The following SLC46A2 variants were observed in gnomAD, a reference collection of about 807,000 sequenced individuals.
The protein encoded by SLC46A2 is thymic stromal co-transporter.
A neutral mutation model predicts 33.1 loss-of-function variants in SLC46A2; 25 were observed. The observed-to-expected ratio is 0.76, with a 90% CI of 0.55 to 1.06. The LOEUF (loss-of-function observed/expected upper bound fraction) is 1.06, where lower values mean the gene tolerates loss of function less well. Ranked by LOEUF, SLC46A2 falls within the 50% of genes least tolerant of loss-of-function variation. The probability of loss-of-function intolerance (pLI) is 0.00; values close to 1 mark genes in which losing one functional copy is unlikely to be tolerated. For synonymous variants in SLC46A2, 254 were observed against 275.9 expected, an observed-to-expected ratio of 0.92 and a Z score of 0.79; for missense variants, 622 against 621.7, an observed-to-expected ratio of 1.00 and a Z score of 0.00.
At chr9:112,888,731 T>G (rs1238062606) in intron 1 of SLC46A2, among the ~76,000 whole-genome samples, 1 of 152,198 alleles carries the variant, frequency 6.6e-6, no homozygotes, top group Non-Finnish European at 1.5e-5. Context: ...TTAATGCTGC[T>G]TCCTTGGGGA....
intron 3 of SLC46A2, among the ~76,000 whole-genome samples, chr9:112,883,913 TCTCAAA>T (rs1841613971): frequency 6.6e-6 from 1 of 152,172 alleles, no homozygotes; most frequent in African/African-American, 2.4e-5. Context: ...GCCAGGCTGG[TCTCAAA>T]CTCCTGACCT....
Position 112,886,448 on chromosome 9 carries a change from C to CA in SLC46A2, c.1370+11_1370+12insT. 2.5e-6 allele frequency: 4 copies of CA among 1,613,760 alleles called. No individual in the cohort carries two copies. Among genetic ancestry groups the CA allele is most frequent in the Non-Finnish European group, 3.4e-6 (4 of 1,179,748 alleles). ...GTCCCAGCCCAAGCAGCAGATGCTGCTCCCATCCTACCTAATTGGAATGAT... is the reference window on the plus strand; with the variant it reads ...GTCCCAGCCCAAGCAGCAGATGCTGCATCCCATCCTACCTAATTGGAATGAT... On this transcript the variant is annotated intron_variant, in intron 3 of 3. Transcript: ENST00000374228.
chr9:112,888,183 A>T (rs540983510), intron 1 of SLC46A2, among the ~76,000 whole-genome samples: 1 of 152,290 alleles, frequency 6.6e-6, no homozygotes, highest in South Asian at 2.1e-4. Flanking sequence ...AGGCTGAGGC[A>T]GGGGAATCAC....
chr9:112,887,182 G>C, intron 2 of SLC46A2, 148 bp downstream of exon 2: 1 of 685,868 alleles, frequency 1.5e-6, no homozygotes, highest in Non-Finnish European at 2.4e-6. Flanking sequence ...TCCACTCTCT[G>C]TGCCCTGGAT....
At chr9:112,887,870 CTCTCAAGCTCTAT>C (rs112102825) in intron 1 of SLC46A2, among the ~76,000 whole-genome samples, 3,312 of 152,038 alleles carry the variant, frequency 0.022, 121 homozygotes, top group African/African-American at 0.072. Context: ...CACTGCATAG[CTCTCAAGCTCTAT>C]TCTCAAGCTC....
chr9:112,885,713 A>T (rs1203243601), intron 3 of SLC46A2: 1 of 152,200 alleles, frequency 6.6e-6, no homozygotes, highest in Non-Finnish European at 1.5e-5. Flanking sequence ...AATGGATTAG[A>T]TGTGGAGATG....
intron 2 of SLC46A2, 26 bp from the exon 3 acceptor site, chr9:112,886,642 G>T (rs367632408): frequency 7.4e-5 from 120 of 1,612,608 alleles, no homozygotes; most frequent in Non-Finnish European, 9.6e-5. Context: ...AGGTTACTCC[G>T]GAGTGCCTTG....
chr9:112,890,598 C>G lies in SLC46A2; in HGVS notation c.84G>C (p.Ser28=). Reference sequence around the variant, plus strand: ...CGTAGAGGGAGGCAGCCACCTGGGACGAGGCCACCACGGGCTCAACCCAGG... The same window carrying G: ...CGTAGAGGGAGGCAGCCACCTGGGAGGAGGCCACCACGGGCTCAACCCAGG... ...PRTWVEPVVA[S]SQVAASLYDA... The change falls in exon 1 of 4, where the codon TCG becomes TCC. Residue 28 remains serine, a synonymous_variant. Transcript: ENST00000374228. The surrounding 1 kb of genome is among the most constrained non-coding windows in gnomAD (Gnocchi z 6.0). 1.2e-6 allele frequency: 2 copies of G among 1,609,862 alleles called. No individual in the cohort carries two copies. The highest frequency in any genetic ancestry group is 1.7e-6 in the Non-Finnish European group (2 of 1,179,938).
At chr9:112,887,504 C>T in intron 1 of SLC46A2, 91 bp from the exon 2 acceptor site, 1 of 1,156,338 alleles carries the variant, frequency 8.6e-7, no homozygotes. Context: ...ACCCCCATCT[C>T]CCCACAATCC....
chr9:112,887,251 T>TGCAGGTCTGTGCCTCATGCTTA, intron 2 of SLC46A2, 79 bp downstream of exon 2: 2 of 1,323,840 alleles, frequency 1.5e-6, no homozygotes, highest in Non-Finnish European at 2.1e-6. Flanking sequence ...AAGTGCCTTC[T>TGCAGGTCTGTGCCTCATGCTTA]GCAGGTCTGT....
intron 3 of SLC46A2, among the ~76,000 whole-genome samples, chr9:112,884,146 T>TA (rs1841617415): frequency 1.3e-5 from 2 of 152,218 alleles, no homozygotes; most frequent in African/African-American, 4.8e-5. Flanking sequence ...GGCAAGTTCT[T>TA]ACGGTGGCAT....
chr9:112,888,503 A>G (rs1199547184), intron 1 of SLC46A2, among the ~76,000 whole-genome samples: 1 of 152,252 alleles, frequency 6.6e-6, no homozygotes, highest in Non-Finnish European at 1.5e-5. Context: ...CTAGCCCCAT[A>G]TAACTATTTA....
Position 112,886,509 on chromosome 9 carries a change from A to G in SLC46A2, c.1321T>C (p.Cys441Arg). 1 of 1,614,230 alleles carries G rather than the reference A, an allele frequency of 6.2e-7. No individual in the cohort carries two copies. Among genetic ancestry groups the G allele is most frequent in the Non-Finnish European group, 8.5e-7 (1 of 1,180,038 alleles). ...QLTMDMFVGS[C>R]FALSSFLSFL... ...GAGAGAAAGGAGGAGAGAGCAAAGC[A>G]GGAGCCCACAAACATGTCCATGGTG... is the stretch of plus-strand genomic sequence containing the variant. Residue 441 changes from cysteine (C) to arginine (R), a missense_variant, in exon 3 of 4, where the codon TGC (cysteine) becomes CGC (arginine). By Grantham distance (180) the Cys-to-Arg change is radical. Coordinates refer to ENST00000374228, the MANE Select transcript of SLC46A2 (RefSeq NM_033051.4).
In SLC46A2 at chr9:112,886,399, A is replaced by G. The variant is rs1841642379; in HGVS notation, c.1370+61T>C. On this transcript the variant is annotated intron_variant, in intron 3 of 3. Transcript: ENST00000374228. ...GTGATGGTGGGCTGGAGAAGGTCCA[A>G]CATTCCTTGACCTAAGCATCAGGGT... The G allele has an allele frequency of 2.5e-6, 4 of 1,573,056 alleles. No individual in the cohort carries two copies. In the Admixed American group the frequency reaches 6.7e-5, roughly 26 times the overall value.
chr9:112,879,864 G>A (rs1474605040), intron 3 of SLC46A2, 45 bp from the exon 4 acceptor site: 1 of 1,571,548 alleles, frequency 6.4e-7, no homozygotes, highest in Non-Finnish European at 8.8e-7. Flanking sequence ...CAGCTGGAAT[G>A]GGGTAAAGGT....
At position 112,889,756 on chromosome 9, in the gene SLC46A2, A is replaced by G. The variant is rs1048453722; in HGVS notation, c.926T>C (p.Leu309Pro). The change falls in exon 1 of 4, where the codon CTG (leucine) becomes CCG (proline). Residue 309 changes from leucine to proline, a missense_variant. Transcript: ENST00000374228. ...GTVDVIPLFVLREPLGWNQVQ... is the reference protein window; with the variant it reads ...GTVDVIPLFVPREPLGWNQVQ... ...TTGGTTCCAACCGAGAGGCTCCCTC[A>G]GCACAAAAAGAGGGATCACGTCCAC... 1.5e-5 allele frequency: 24 copies of G among 1,614,122 alleles called. No homozygotes were observed. Among genetic ancestry groups the G allele is most frequent in the Non-Finnish European group, 1.9e-5 (23 of 1,180,016 alleles).
At chr9:112,883,395 C>A (rs1588149082) in intron 3 of SLC46A2, among the ~76,000 whole-genome samples, 1 of 152,096 alleles carries the variant, frequency 6.6e-6, no homozygotes, top group East Asian at 1.9e-4. Flanking sequence ...TCCTTCAAAT[C>A]CTGTCTCTGC....
chr9:112,884,466 C>G lies in SLC46A2; in HGVS notation c.1370+1994G>C, dbSNP rs140905360. ...GGATCTCGTTTCTTTAGTGACTTTG[C>G]GGAAAGGAAAGTAATGGAAACACTC... On this transcript the variant is annotated intron_variant, in intron 3 of 3. Coordinates refer to ENST00000374228, the MANE Select transcript of SLC46A2 (RefSeq NM_033051.4). Among the ~76,000 whole-genome samples, 137 of 152,212 alleles carry G rather than the reference C, an allele frequency of 9.0e-4. 2 individuals are homozygous for G. The highest frequency in any genetic ancestry group is 3.0e-3 in the African/African-American group (126 of 41,536).
chr9:112,887,225 C>T, intron 2 of SLC46A2, 105 bp downstream of exon 2: 2 of 990,632 alleles, frequency 2.0e-6, no homozygotes, highest in Non-Finnish European at 3.0e-6. Context: ...TTCAAAGATG[C>T]TTCTGGAACT....
Sources: gnomAD v4.1 joint callset for allele counts (sites outside exome capture counted in the v4.1 genomes callset) on GRCh38, gnomAD v4.1.1 for gene constraint, Gnocchi (gnomAD v3.1) non-coding constraint, MANE v1.5 for transcripts, NCBI Gene and HGNC (gene_info 2026-07-23, HGNC 2026-07-21) for gene names.